Variants in CCDC57 observed in about 807,000 individuals in gnomAD.
The protein encoded by CCDC57 is coiled-coil domain containing 57.
Under a neutral mutation model 118.9 loss-of-function variants are expected in CCDC57, and 118 were observed. That is an observed-to-expected ratio of 0.99 (90% CI 0.86 to 1.16). CCDC57 has a LOEUF of 1.16. Ranked by LOEUF, CCDC57 falls within the 50% of genes most tolerant of loss-of-function variation. The pLI is 0.00. For missense variants in CCDC57, 1,300 were observed against 1,320.7 expected (o/e 0.98, Z 0.24); for synonymous variants, 527 against 532.9 (o/e 0.99, Z 0.15).
intron 16 of CCDC57, among the ~76,000 whole-genome samples, chr17:82,136,042 G>A (rs2039117808): frequency 6.6e-6 from 1 of 152,186 alleles, no homozygotes; most frequent in Non-Finnish European, 1.5e-5. Context: ...CGCAGCTGGT[G>A]GGCATGGGAG....
chr17:82,123,082 G>A (rs976680259), intron 19 of CCDC57, among the ~76,000 whole-genome samples: 7 of 149,362 alleles, frequency 4.7e-5, no homozygotes, highest in African/African-American at 1.7e-4. Context: ...TACCTGTAGC[G>A]TTCCACTGCA....
chr17:82,207,511 C>T (rs2049814569), intron 2 of CCDC57: 1 of 152,142 alleles, frequency 6.6e-6, no homozygotes, highest in Admixed American at 6.5e-5. Flanking sequence ...AGCTGGCACC[C>T]CCGGATTGAT....
chr17:82,142,748 T>C (rs1219843960), intron 16 of CCDC57, among the ~76,000 whole-genome samples: 1 of 152,188 alleles, frequency 6.6e-6, no homozygotes, highest in Non-Finnish European at 1.5e-5. Flanking sequence ...AGAATATCAA[T>C]ACGTATATTT....
chr17:82,127,839 G>A, exon 19 of CCDC57: 1 of 1,610,716 alleles, frequency 6.2e-7, no homozygotes, highest in Non-Finnish European at 8.5e-7. Flanking sequence ...GGAGCCTGGG[G>A]TGGCTTTGGG....
At position 82,195,375 on chromosome 17, in the gene CCDC57, C is replaced by T; in HGVS notation, c.517-11G>A. On this transcript the variant is annotated splice_polypyrimidine_tract_variant and intron_variant, in intron 4 of 19. Coordinates refer to ENST00000665763, the Ensembl canonical transcript of CCDC57. ...CTCCAGCAGCAGTTCCTGGAACAAA[C>T]AGGTTTCATGATGAAAGAACAGTGG... The T allele has an allele frequency of 6.3e-7, 1 of 1,576,160 alleles. No homozygotes were observed. Among genetic ancestry groups the T allele is most frequent in the Non-Finnish European group, 8.6e-7 (1 of 1,160,062 alleles).
At position 82,141,662 on chromosome 17, in the gene CCDC57, G is replaced by C. The variant is rs945571259; in HGVS notation, c.2456-7468C>G. Among the ~76,000 whole-genome samples, 34 of 152,164 alleles carry C rather than the reference G, an allele frequency of 2.2e-4. 1 individual carries two copies. The highest frequency in any genetic ancestry group is 5.9e-5 in the Non-Finnish European group (4 of 68,038). On this transcript the variant is annotated intron_variant, in intron 16 of 19. Coordinates refer to ENST00000665763, the Ensembl canonical transcript of CCDC57. ...TTGTGAGATCAGGAACAACCTTTCT[G>C]ATCCTTTTGTGGTTCATCCGCCTGA...
chr17:82,176,528 C>T (rs951560609), intron 11 of CCDC57, among the ~76,000 whole-genome samples: 11 of 152,194 alleles, frequency 7.2e-5, no homozygotes, highest in South Asian at 2.1e-4. Context: ...CACAGCCACA[C>T]GTCCTCACTA....
intron 2 of CCDC57, among the ~76,000 whole-genome samples, chr17:82,207,158 C>T (rs367924108): frequency 7.2e-5 from 11 of 152,146 alleles, no homozygotes; most frequent in African/African-American, 1.7e-4. Flanking sequence ...CAGGGCCACA[C>T]GGCAAAACGC....
chr17:82,102,577 A>G (rs1255231854), intron 19 of CCDC57, among the ~76,000 whole-genome samples: 1 of 152,088 alleles, frequency 6.6e-6, no homozygotes, highest in East Asian at 1.9e-4. Context: ...ACAACAGCAA[A>G]ATGTTACTAA....
At chr17:82,125,934 G>A (rs541799552) in intron 19 of CCDC57, among the ~76,000 whole-genome samples, 4 of 152,242 alleles carry the variant, frequency 2.6e-5, no homozygotes, top group East Asian at 1.9e-4. Context: ...CCGAATATGC[G>A]GGAAGTGTGA....
chr17:82,113,611 C>T (rs765255868), intron 19 of CCDC57: 4 of 717,582 alleles, frequency 5.6e-6, no homozygotes, highest in Admixed American at 4.0e-5. Context: ...CCAAGCTCGC[C>T]TCCTGGTTCA....
chr17:82,129,515 C>A lies in CCDC57; in HGVS notation c.2578-918G>T, dbSNP rs551006023. ...AACAGTGGATGCAGAGTGTACTTGGCCCATGTTTACCAACGTTTGCCTGTT... is the reference window on the plus strand; with the variant it reads ...AACAGTGGATGCAGAGTGTACTTGGACCATGTTTACCAACGTTTGCCTGTT... On this transcript the variant is annotated intron_variant, in intron 17 of 19. Transcript: ENST00000665763. Among the ~76,000 whole-genome samples the A allele has an allele frequency of 1.2e-4, 19 of 152,284 alleles. No individual in the cohort carries two copies. The East Asian group carries it at 3.5e-3, about 28-fold the overall frequency.
At chr17:82,152,246 G>T in intron 15 of CCDC57, 1 of 167,092 alleles carries the variant, frequency 6.0e-6, no homozygotes, top group Non-Finnish European at 1.3e-5. Context: ...CAGTGCCCAG[G>T]ACCCAGGAGG....
chr17:82,134,260 T>C, intron 16 of CCDC57, 66 bp from the exon 16 acceptor site: 1 of 1,250,234 alleles, frequency 8.0e-7, no homozygotes, highest in African/African-American at 1.5e-5. Context: ...TTGTGTTGAA[T>C]GCAAACACTC....
chr17:82,185,036 CA>C (rs2046762765), intron 8 of CCDC57: 1 of 152,320 alleles, frequency 6.6e-6, no homozygotes, highest in Admixed American at 6.5e-5. Context: ...GCCCCACTCC[CA>C]GCATCAGGAT....
intron 13 of CCDC57, among the ~76,000 whole-genome samples, chr17:82,165,518 C>T (rs1315370325): frequency 2.0e-5 from 3 of 152,026 alleles, no homozygotes; most frequent in Non-Finnish European, 4.4e-5. Flanking sequence ...AGAAGCTGCT[C>T]CTGGGACCAA....
At chr17:82,134,007 G>C in intron 17 of CCDC57, 66 bp downstream of exon 16, 1 of 1,290,984 alleles carries the variant, frequency 7.7e-7, no homozygotes, top group Middle Eastern at 2.3e-4. Context: ...TGAAGTTTCT[G>C]TAATGAAAAC....
chr17:82,158,411 G>C (rs1001655229), intron 14 of CCDC57, among the ~76,000 whole-genome samples: 1 of 152,178 alleles, frequency 6.6e-6, no homozygotes, highest in African/African-American at 2.4e-5. Flanking sequence ...GGATAGGCTG[G>C]GTGCGGTGGC....
At chr17:82,128,387 C>A in intron 18 of CCDC57, 106 bp downstream of exon 17, 1 of 711,136 alleles carries the variant, frequency 1.4e-6, no homozygotes, top group Non-Finnish European at 2.3e-6. Context: ...CAAAGGCAGG[C>A]ATGCAGAGCG....
Sources: allele counts gnomAD v4.1 joint callset (sites outside exome capture counted in the v4.1 genomes callset), GRCh38; gene constraint gnomAD v4.1.1; transcripts MANE v1.5; gene names NCBI Gene and HGNC (gene_info 2026-07-23, HGNC 2026-07-21).